Variants in PDE8B observed in about 807,000 individuals in gnomAD.
PDE8B encodes the protein phosphodiesterase 8B.
In PDE8B, 26 loss-of-function variants were observed where a neutral mutation model predicts 101.3. That is an observed-to-expected ratio of 0.26 (90% CI 0.19 to 0.36). The LOEUF is 0.36. Ranked by LOEUF, PDE8B falls within the 10% of genes least tolerant of loss-of-function variation. The probability of loss-of-function intolerance (pLI) is 1.00; values close to 1 mark genes in which losing one functional copy is unlikely to be tolerated. For synonymous variants in PDE8B, 424 were observed against 429.3 expected, an observed-to-expected ratio of 0.99 and a Z score of 0.15; for missense variants, 810 against 1,163.1, an observed-to-expected ratio of 0.70 and a Z score of 4.42.
At chr5:77,342,211 A>G (rs917946115) in intron 6 of PDE8B, among the ~76,000 whole-genome samples, 5 of 152,246 alleles carry the variant, frequency 3.3e-5, no homozygotes, top group Admixed American at 2.0e-4. Flanking sequence ...GATCTTAAAC[A>G]TAACAACAGG....
chr5:77,291,555 A>G, intron 1 of PDE8B: 3 of 1,601,212 alleles, frequency 1.9e-6, no homozygotes, highest in Middle Eastern at 4.4e-4. Context: ...ACTTTCAAGT[A>G]GCAACTTTAC....
At chr5:77,312,094 C>CTTTTTTT in intron 2 of PDE8B, 41 bp downstream of exon 2, 1 of 1,095,620 alleles carries the variant, frequency 9.1e-7, no homozygotes, top group Non-Finnish European at 1.3e-6. Flanking sequence ...AGATTATTTT[C>CTTTTTTT]TTTTTTTTTT....
At chr5:77,249,645 G>C (rs901660627) in intron 1 of PDE8B, among the ~76,000 whole-genome samples, 1 of 152,254 alleles carries the variant, frequency 6.6e-6, no homozygotes. Context: ...TGTGTGGGAT[G>C]CAATATGCCA....
chr5:77,283,802 G>A (rs1467088399), intron 1 of PDE8B, among the ~76,000 whole-genome samples: 3 of 152,154 alleles, frequency 2.0e-5, no homozygotes, highest in Admixed American at 6.5e-5. Flanking sequence ...AAACATCTGT[G>A]TGCACGTTTT....
the PDE8B span, among the ~76,000 whole-genome samples, chr5:77,179,200 GC>G: frequency 6.6e-6 from 1 of 152,256 alleles, no homozygotes; most frequent in Non-Finnish European, 1.5e-5. Flanking sequence ...CTGCATTCAT[GC>G]CTTTTTGTAG....
chr5:77,285,134 G>T lies in PDE8B; in HGVS notation c.340-26860G>T, dbSNP rs142502345. ...ATTATGTCTTTTGATGAATAGAAAT[G>T]TAATGTAGTCCAAGAAATCTTTTCC... On this transcript the variant is annotated intron_variant, in intron 1 of 21. Coordinates refer to ENST00000264917, the MANE Select transcript of PDE8B (RefSeq NM_003719.5). 1.8e-3 allele frequency among the ~76,000 whole-genome samples: 269 copies of T among 152,284 alleles called. 1 individual carries two copies. Among genetic ancestry groups the T allele is most frequent in the African/African-American group, 5.7e-3 (236 of 41,570 alleles).
the PDE8B span, among the ~76,000 whole-genome samples, chr5:77,194,033 C>T: frequency 9.9e-5 from 15 of 152,142 alleles, no homozygotes; most frequent in African/African-American, 3.6e-4. Context: ...CAGCTGTTTT[C>T]ATAGCCTTTA....
chr5:77,275,595 C>A (rs1237392562), intron 1 of PDE8B, among the ~76,000 whole-genome samples: 1 of 152,144 alleles, frequency 6.6e-6, no homozygotes, highest in Non-Finnish European at 1.5e-5. Flanking sequence ...AAAATACAAC[C>A]AAAGACTCAA....
chr5:77,167,932 A>G, the PDE8B span, among the ~76,000 whole-genome samples: 1 of 151,994 alleles, frequency 6.6e-6, no homozygotes, highest in Non-Finnish European at 1.5e-5. Context: ...TTCACCACAC[A>G]AGGGGGTAAC....
intron 1 of PDE8B, among the ~76,000 whole-genome samples, chr5:77,310,945 A>G (rs962057975): frequency 8.5e-5 from 13 of 152,218 alleles, no homozygotes; most frequent in Admixed American, 7.2e-4. Flanking sequence ...TGGTCTTGCA[A>G]AGTATAATGT....
the PDE8B span, among the ~76,000 whole-genome samples, chr5:77,178,317 CTGAGTT>C: frequency 6.6e-6 from 1 of 152,090 alleles, no homozygotes; most frequent in Non-Finnish European, 1.5e-5. Flanking sequence ...TCAATGTACC[CTGAGTT>C]TTTCAAACTG....
At chr5:77,315,898 C>T (rs1773679635) in intron 2 of PDE8B, among the ~76,000 whole-genome samples, 1 of 151,794 alleles carries the variant, frequency 6.6e-6, no homozygotes, top group Admixed American at 6.6e-5. Flanking sequence ...TTATCTTTTT[C>T]TGTTTTTTTC....
At chr5:77,198,337 C>A in the PDE8B span, among the ~76,000 whole-genome samples, 1 of 152,130 alleles carries the variant, frequency 6.6e-6, no homozygotes, top group Non-Finnish European at 1.5e-5. Context: ...GCTTTTCAGT[C>A]ACTCTGTTTC....
At chr5:77,291,261 G>T in intron 1 of PDE8B, 2 of 1,612,692 alleles carry the variant, frequency 1.2e-6, no homozygotes, top group Non-Finnish European at 1.7e-6. Flanking sequence ...GATCCGAGTT[G>T]GGAACCCATG....
At chr5:77,251,058 A>T (rs942208798) in intron 1 of PDE8B, among the ~76,000 whole-genome samples, 1 of 152,194 alleles carries the variant, frequency 6.6e-6, no homozygotes, top group African/African-American at 2.4e-5. Flanking sequence ...AGGAGCATAG[A>T]CTTTGAAGTC....
the PDE8B span, among the ~76,000 whole-genome samples, chr5:77,104,077 G>C: frequency 6.6e-6 from 1 of 152,154 alleles, no homozygotes; most frequent in African/African-American, 2.4e-5. Context: ...TCTTTACTTG[G>C]GAGGAAGTAC....
chr5:77,136,953 T>C, the PDE8B span, among the ~76,000 whole-genome samples: 7 of 152,208 alleles, frequency 4.6e-5, no homozygotes, highest in African/African-American at 1.7e-4. Context: ...TCTATTTTTA[T>C]CAGTTGCCTC....
At chr5:77,374,315 TC>T (rs1424688317) in intron 10 of PDE8B, among the ~76,000 whole-genome samples, 8 of 152,296 alleles carry the variant, frequency 5.3e-5, no homozygotes, top group African/African-American at 1.7e-4. Flanking sequence ...CATTTTTTAA[TC>T]AATTCATATC....
intron 1 of PDE8B, among the ~76,000 whole-genome samples, chr5:77,216,485 A>G (rs1264581291): frequency 6.6e-6 from 1 of 152,188 alleles, no homozygotes; most frequent in African/African-American, 2.4e-5. Context: ...ATTCACTATC[A>G]TGAGAACAGT....
Sources: allele counts gnomAD v4.1 joint callset (sites outside exome capture counted in the v4.1 genomes callset), GRCh38; gene constraint gnomAD v4.1.1; transcripts MANE v1.5; gene names NCBI Gene and HGNC (gene_info 2026-07-23, HGNC 2026-07-21).